Variants in PLEKHM3 observed in about 807,000 individuals in gnomAD.
PLEKHM3 encodes pleckstrin homology domain containing M3, also known as pleckstrin homology domain-containing family M member 3.
In PLEKHM3, 45 loss-of-function variants were observed where a neutral mutation model predicts 81.8. The ratio of observed to expected loss-of-function variants is 0.55; its 90% CI spans 0.43 to 0.71. The LOEUF (loss-of-function observed/expected upper bound fraction) is 0.71, where lower values mean the gene tolerates loss of function less well. Ranked by LOEUF, PLEKHM3 falls within the 30% of genes least tolerant of loss-of-function variation. The probability of loss-of-function intolerance (pLI) is 0.00; values close to 1 mark genes in which losing one functional copy is unlikely to be tolerated. For synonymous variants in PLEKHM3, 352 were observed against 356.4 expected (o/e 0.99, Z 0.14); for missense variants, 788 against 924.3 (o/e 0.85, Z 1.91).
chr2:207,923,905 A>ATATATACATATT (rs1396762429), intron 5 of PLEKHM3, among the ~76,000 whole-genome samples: 1 of 28,348 alleles, frequency 3.5e-5, no homozygotes, highest in South Asian at 1.7e-3. Flanking sequence ...ATATATATAT[A>ATATATACATATT]TTTTTTTTTT....
intron 4 of PLEKHM3, among the ~76,000 whole-genome samples, chr2:207,935,556 G>T (rs113395420): frequency 4.6e-5 from 7 of 152,300 alleles, no homozygotes; most frequent in East Asian, 3.9e-4. Context: ...TAACACGAAA[G>T]AATTTGGTAA....
chr2:208,011,665 C>G (rs1692696416), intron 1 of PLEKHM3, among the ~76,000 whole-genome samples: 1 of 151,652 alleles, frequency 6.6e-6, no homozygotes, highest in South Asian at 2.1e-4. Context: ...TCAGTGTATA[C>G]TGCCTGGGGG....
intron 1 of PLEKHM3, among the ~76,000 whole-genome samples, chr2:208,009,064 TG>T (rs1010856938): frequency 6.6e-6 from 1 of 152,094 alleles, no homozygotes; most frequent in Non-Finnish European, 1.5e-5. Context: ...GTGCCTACTA[TG>T]GGGGGGACAC....
chr2:208,014,694 G>A (rs1692820548), intron 1 of PLEKHM3, among the ~76,000 whole-genome samples: 1 of 152,220 alleles, frequency 6.6e-6, no homozygotes, highest in South Asian at 2.1e-4. Flanking sequence ...CCTAATCTGG[G>A]TTTACATTAA....
intron 1 of PLEKHM3, among the ~76,000 whole-genome samples, chr2:208,019,180 C>CCTAT (rs1300953478): frequency 1.3e-4 from 20 of 151,998 alleles, no homozygotes; most frequent in African/African-American, 2.4e-4. Context: ...GGGGCGTGAA[C>CCTAT]CTATAGTCCT....
At chr2:207,957,491 G>A (rs1690556113) in intron 3 of PLEKHM3, among the ~76,000 whole-genome samples, 1 of 152,234 alleles carries the variant, frequency 6.6e-6, no homozygotes, top group Non-Finnish European at 1.5e-5. Flanking sequence ...TAGATCAGGA[G>A]TTCAAGACCA....
intron 7 of PLEKHM3, among the ~76,000 whole-genome samples, chr2:207,831,748 A>G (rs2092289861): frequency 6.6e-6 from 1 of 152,046 alleles, no homozygotes; most frequent in Non-Finnish European, 1.5e-5. Flanking sequence ...TCCTCCTTCC[A>G]GTGAGGATAA....
intron 3 of PLEKHM3, among the ~76,000 whole-genome samples, chr2:207,957,755 GA>G (rs1690567481): frequency 6.6e-6 from 1 of 152,130 alleles, no homozygotes; most frequent in African/African-American, 2.4e-5. Flanking sequence ...TATTTCAGCA[GA>G]AGACATTAAT....
At chr2:207,907,827 G>A (rs1423925222) in intron 6 of PLEKHM3, among the ~76,000 whole-genome samples, 1 of 152,148 alleles carries the variant, frequency 6.6e-6, no homozygotes, top group Non-Finnish European at 1.5e-5. Flanking sequence ...CTTTATCCAT[G>A]AGCAGGCACT....
chr2:207,970,723 C>T (rs1691090506), intron 3 of PLEKHM3, among the ~76,000 whole-genome samples: 1 of 152,172 alleles, frequency 6.6e-6, no homozygotes, highest in Admixed American at 6.5e-5. Flanking sequence ...TTAGGAATGG[C>T]TTCTGCTGTA....
chr2:207,864,212 T>G (rs1047441489), intron 6 of PLEKHM3, among the ~76,000 whole-genome samples: 5 of 152,218 alleles, frequency 3.3e-5, no homozygotes, highest in African/African-American at 4.8e-5. Context: ...TACTTTTCTC[T>G]CCATTACCTT....
intron 3 of PLEKHM3, among the ~76,000 whole-genome samples, chr2:207,971,946 C>T (rs1480170721): frequency 3.3e-5 from 5 of 152,234 alleles, no homozygotes; most frequent in Admixed American, 6.5e-5. Context: ...ACTGAAAAAT[C>T]TGCAATTTCA....
intron 7 of PLEKHM3, among the ~76,000 whole-genome samples, chr2:207,839,335 A>G (rs1046123018): frequency 1.3e-5 from 2 of 152,196 alleles, no homozygotes; most frequent in Non-Finnish European, 2.9e-5. Flanking sequence ...AATGTACATT[A>G]GAAAATGCAA....
At chr2:207,986,635 A>T (rs187338970) in intron 2 of PLEKHM3, among the ~76,000 whole-genome samples, 1 of 151,714 alleles carries the variant, frequency 6.6e-6, no homozygotes, top group African/African-American at 2.4e-5. Flanking sequence ...ATTGTGGTAA[A>T]TTACTTGAAT....
At position 207,824,789 on chromosome 2, in the gene PLEKHM3, T is replaced by C. The variant is rs1314726990; in HGVS notation, c.*3530A>G. The stretch of plus-strand genomic sequence containing the variant: ...GCTGCATTCGGCAACTAGGGTGGTG[T>C]AAACACCTCGGATCTCACTGCAGCC... On this transcript the variant is annotated 3_prime_UTR_variant, in exon 8 of 8. Coordinates refer to ENST00000427836, the MANE Select transcript of PLEKHM3 (RefSeq NM_001080475.3). 3 of 152,164 alleles carry C rather than the reference T, an allele frequency of 2.0e-5. No homozygotes were observed. In the East Asian group the frequency reaches 5.8e-4, roughly 29 times the overall value. 9.4% of individuals were successfully genotyped at this position (152,164 alleles called of 1,614,324 possible). A position where few individuals can be genotyped will look rare whatever the true frequency, so the allele number is the denominator to read the frequency against.
Position 207,964,143 on chromosome 2 carries a change from C to T in PLEKHM3, c.1546+12508G>A, listed in dbSNP as rs1402104788. 4.0e-5 allele frequency among the ~76,000 whole-genome samples: 6 copies of T among 151,690 alleles called. No individual in the cohort carries two copies. The South Asian group carries it at 6.3e-4, about 16-fold the overall frequency. ...AGGAGAATCACTTGAACCCAGGAGGCGGAGGTTGCAGTGAGCTGAGATCAC... is the reference window on the plus strand; with the variant it reads ...AGGAGAATCACTTGAACCCAGGAGGTGGAGGTTGCAGTGAGCTGAGATCAC... On this transcript the variant is annotated intron_variant, in intron 3 of 7. Coordinates refer to ENST00000427836, the MANE Select transcript of PLEKHM3 (RefSeq NM_001080475.3).
At chr2:207,846,935 A>T (rs1488282544) in intron 7 of PLEKHM3, among the ~76,000 whole-genome samples, 2 of 152,212 alleles carry the variant, frequency 1.3e-5, no homozygotes. Context: ...TGTACTTTTC[A>T]AATTTTCTAT....
intron 6 of PLEKHM3, among the ~76,000 whole-genome samples, chr2:207,890,528 TG>T (rs1466423596): frequency 3.3e-5 from 5 of 152,256 alleles, no homozygotes; most frequent in African/African-American, 1.2e-4. Context: ...CTTGGGAGGC[TG>T]AGGCACGAGA....
intron 6 of PLEKHM3, among the ~76,000 whole-genome samples, chr2:207,878,577 T>G (rs1161792735): frequency 1.3e-5 from 2 of 152,196 alleles, no homozygotes; most frequent in African/African-American, 4.8e-5. Context: ...CACTGCACTC[T>G]AGCCTGGGCA....
Sources: allele counts gnomAD v4.1 joint callset (sites outside exome capture counted in the v4.1 genomes callset), GRCh38; gene constraint gnomAD v4.1.1; transcripts MANE v1.5; gene names NCBI Gene and HGNC (gene_info 2026-07-23, HGNC 2026-07-21).